The following APBB2 variants were observed in gnomAD, a reference collection of about 807,000 sequenced individuals.
APBB2 encodes amyloid beta precursor protein binding family B member 2, also known as Fe65-like 1.
Under a neutral mutation model 82.5 loss-of-function variants are expected in APBB2, and 38 were observed. The ratio of observed to expected loss-of-function variants is 0.46; its 90% CI spans 0.36 to 0.60. APBB2 has a LOEUF of 0.60. APBB2 is among the 20% of genes least tolerant of loss of function. The pLI, the probability that APBB2 is intolerant of heterozygous loss-of-function variation, is 0.00. For synonymous variants in APBB2, 341 were observed against 368.2 expected, an observed-to-expected ratio of 0.93 and a Z score of 0.85; for missense variants, 772 against 972.3, an observed-to-expected ratio of 0.79 and a Z score of 2.74.
At chr4:41,200,337 A>AATTCCAAACTAAC (rs1434644766) in intron 1 of APBB2, among the ~76,000 whole-genome samples, 1 of 152,238 alleles carries the variant, frequency 6.6e-6, no homozygotes, top group African/African-American at 2.4e-5. Flanking sequence ...GGTTATTCCA[A>AATTCCAAACTAAC]AGGATAATTC....
intron 6 of APBB2, among the ~76,000 whole-genome samples, chr4:40,970,805 C>G (rs910212771): frequency 1.3e-5 from 2 of 152,158 alleles, no homozygotes; most frequent in African/African-American, 2.4e-5. Flanking sequence ...TTTAGCACTG[C>G]AAGTCCCACA....
intron 3 of APBB2, among the ~76,000 whole-genome samples, chr4:41,074,259 T>A (rs1734850784): frequency 6.6e-6 from 1 of 152,232 alleles, no homozygotes; most frequent in African/African-American, 2.4e-5. Context: ...AAGCTCTGCA[T>A]TAAATAATCT....
intron 6 of APBB2, among the ~76,000 whole-genome samples, chr4:40,948,210 C>T (rs1030830399): frequency 2.6e-5 from 4 of 152,170 alleles, no homozygotes; most frequent in African/African-American, 9.7e-5. Flanking sequence ...AGGAAGTATG[C>T]CGAGTGAAGA....
chr4:41,202,255 T>A (rs1776879566), intron 1 of APBB2, among the ~76,000 whole-genome samples: 1 of 152,232 alleles, frequency 6.6e-6, no homozygotes, highest in Non-Finnish European at 1.5e-5. Flanking sequence ...CAACTGCCAT[T>A]CTACTGTCTG....
intron 12 of APBB2, among the ~76,000 whole-genome samples, chr4:40,851,852 G>A (rs745652827): frequency 3.3e-4 from 50 of 151,224 alleles, no homozygotes; most frequent in Non-Finnish European, 5.6e-4. Flanking sequence ...GAAGAAGGGG[G>A]CAGAGAATCC....
intron 1 of APBB2, among the ~76,000 whole-genome samples, chr4:41,168,845 C>A (rs1767442776): frequency 6.6e-6 from 1 of 152,058 alleles, no homozygotes; most frequent in African/African-American, 2.4e-5. Flanking sequence ...CTTGCCAGCC[C>A]ACACAAAGGT....
At chr4:40,883,741 A>T (rs906191886) in intron 12 of APBB2, among the ~76,000 whole-genome samples, 1 of 150,446 alleles carries the variant, frequency 6.6e-6, no homozygotes, top group African/African-American at 2.4e-5. Context: ...GGCCCTTTCC[A>T]CAACGACTTT....
chr4:41,017,212 T>TA (rs1421086859), intron 5 of APBB2, among the ~76,000 whole-genome samples: 2 of 152,214 alleles, frequency 1.3e-5, no homozygotes, highest in Admixed American at 1.3e-4. Context: ...ATGTTGTTTT[T>TA]ATATATCAAA....
intron 12 of APBB2, among the ~76,000 whole-genome samples, chr4:40,865,119 A>C (rs1313992202): frequency 2.0e-5 from 3 of 151,948 alleles, no homozygotes; most frequent in African/African-American, 7.3e-5. Flanking sequence ...TGGTCTCCCA[A>C]AGTGCTGGAA....
intron 1 of APBB2, among the ~76,000 whole-genome samples, chr4:41,170,508 A>T (rs1262914088): frequency 1.3e-5 from 2 of 152,236 alleles, no homozygotes; most frequent in Non-Finnish European, 2.9e-5. Context: ...TTATTCAGTC[A>T]TGAAGAGATA....
In APBB2 at chr4:41,160,943, G is replaced by A. The variant is rs189268823; in HGVS notation, c.-416-17801C>T. 5.3e-5 allele frequency among the ~76,000 whole-genome samples: 8 copies of A among 152,240 alleles called. No homozygotes were observed. The East Asian group carries it at 1.4e-3, about 26-fold the overall frequency. On this transcript the variant is annotated intron_variant, in intron 1 of 17. Coordinates refer to ENST00000508593, the MANE Select transcript of APBB2 (RefSeq NM_004307.2). ...CTTATGACGACCCTCTAAGGAAGGAGGTAGATAAGTAATTTGTCCAAGTGA... is the reference window on the plus strand; with the variant it reads ...CTTATGACGACCCTCTAAGGAAGGAAGTAGATAAGTAATTTGTCCAAGTGA...
chr4:41,156,933 G>A (rs1329073648), intron 1 of APBB2, among the ~76,000 whole-genome samples: 1 of 152,060 alleles, frequency 6.6e-6, no homozygotes, highest in Non-Finnish European at 1.5e-5. Flanking sequence ...GGGAATGGTG[G>A]TGTACGCCTG....
chr4:41,175,082 A>G (rs1769387125), intron 1 of APBB2, among the ~76,000 whole-genome samples: 1 of 152,242 alleles, frequency 6.6e-6, no homozygotes, highest in Non-Finnish European at 1.5e-5. Context: ...GATAGACATT[A>G]GCCTCAAGAC....
In APBB2 at chr4:41,208,902, T is replaced by C. The variant is rs533312336; in HGVS notation, c.-417+5503A>G. Among the ~76,000 whole-genome samples the C allele has an allele frequency of 2.0e-5, 3 of 152,350 alleles. No homozygotes were observed. In the South Asian group the frequency reaches 6.2e-4, roughly 32 times the overall value. ...TTGGGATTTTTCTCTGATTATAAAA[T>C]AAATATACGTCCATTACAGAAAACA... On this transcript the variant is annotated intron_variant, in intron 1 of 17. Transcript: ENST00000508593.
At chr4:40,945,723 C>T (rs1043136746) in intron 6 of APBB2, among the ~76,000 whole-genome samples, 5 of 152,208 alleles carry the variant, frequency 3.3e-5, no homozygotes, top group African/African-American at 1.2e-4. Flanking sequence ...CACCATTCTC[C>T]TGCCTCAGCC....
At chr4:41,185,489 G>C (rs1456336219) in intron 1 of APBB2, among the ~76,000 whole-genome samples, 1 of 152,188 alleles carries the variant, frequency 6.6e-6, no homozygotes, top group Admixed American at 6.5e-5. Flanking sequence ...ATCACTCTGT[G>C]ACACCTTTAT....
chr4:41,195,136 G>A, intron 1 of APBB2, among the ~76,000 whole-genome samples: 7 of 151,960 alleles, frequency 4.6e-5, no homozygotes, highest in Non-Finnish European at 4.4e-5. Flanking sequence ...CTGGGTGACC[G>A]TTATACTCCC....
At chr4:40,837,357 C>T (rs1027673931) in intron 12 of APBB2, among the ~76,000 whole-genome samples, 1 of 152,220 alleles carries the variant, frequency 6.6e-6, no homozygotes, top group African/African-American at 2.4e-5. Context: ...GTTAGCACTT[C>T]CGGCTTCCAG....
chr4:40,906,464 CAAAAA>C (rs5857755), intron 10 of APBB2, among the ~76,000 whole-genome samples: 5 of 67,986 alleles, frequency 7.4e-5, no homozygotes, highest in Admixed American at 4.0e-4. Context: ...AAACCTGTCT[CAAAAA>C]AAAAAAAAAA....
Sources: allele counts gnomAD v4.1 joint callset (sites outside exome capture counted in the v4.1 genomes callset), GRCh38; gene constraint gnomAD v4.1.1; transcripts MANE v1.5; gene names NCBI Gene and HGNC (gene_info 2026-07-23, HGNC 2026-07-21).